The following GREB1L variants were observed in gnomAD, a reference collection of about 807,000 sequenced individuals.
GREB1L encodes GREB1 like retinoic acid receptor coactivator, also known as GREB1-like protein.
GREB1L carries 17 observed loss-of-function variants against 200.8 expected under a neutral mutation model. That is an observed-to-expected ratio of 0.08 (90% CI 0.06 to 0.13). GREB1L has a LOEUF of 0.13. Ranked by LOEUF, GREB1L falls within the 10% of genes least tolerant of loss-of-function variation. The probability of loss-of-function intolerance (pLI) is 1.00; values close to 1 mark genes in which losing one functional copy is unlikely to be tolerated. For synonymous variants in GREB1L, 789 were observed against 893.0 expected (o/e 0.88, Z 2.08); for missense variants, 1,657 against 2,367.7 (o/e 0.70, Z 6.23).
intron 1 of GREB1L, among the ~76,000 whole-genome samples, chr18:21,285,208 T>C (rs562508705): frequency 6.6e-6 from 1 of 152,286 alleles, no homozygotes; most frequent in Non-Finnish European, 1.5e-5. Flanking sequence ...TCTTGATGTA[T>C]GTATACTTTG....
chr18:21,310,966 G>A (rs2038780583), intron 1 of GREB1L, among the ~76,000 whole-genome samples: 1 of 152,068 alleles, frequency 6.6e-6, no homozygotes, highest in Non-Finnish European at 1.5e-5. Flanking sequence ...AAGGCCTTTG[G>A]GTTTGGTGAG....
chr18:21,319,604 A>C (rs2038922395), intron 1 of GREB1L, among the ~76,000 whole-genome samples: 1 of 152,240 alleles, frequency 6.6e-6, no homozygotes, highest in African/African-American at 2.4e-5. Flanking sequence ...AAAGGCAACT[A>C]GGAAAAAGAG....
intron 1 of GREB1L, among the ~76,000 whole-genome samples, chr18:21,281,054 C>A (rs768808539): frequency 1.3e-5 from 2 of 152,196 alleles, no homozygotes; most frequent in African/African-American, 2.4e-5. Flanking sequence ...GCACCCCCAC[C>A]CACAACTCTG....
At chr18:21,376,619 A>G (rs1174543915) in intron 2 of GREB1L, among the ~76,000 whole-genome samples, 1 of 151,258 alleles carries the variant, frequency 6.6e-6, no homozygotes, top group Non-Finnish European at 1.5e-5. Context: ...CCTGGCTAAC[A>G]CGGTGAAACC....
intron 1 of GREB1L, among the ~76,000 whole-genome samples, chr18:21,273,199 G>C (rs2038106237): frequency 6.6e-6 from 1 of 152,188 alleles, no homozygotes; most frequent in Non-Finnish European, 1.5e-5. Flanking sequence ...CTGCACTCCA[G>C]CCTGGGTGAC....
intron 2 of GREB1L, among the ~76,000 whole-genome samples, chr18:21,381,492 T>C (rs752414197): frequency 1.9e-4 from 29 of 152,076 alleles, no homozygotes; most frequent in Non-Finnish European, 3.7e-4. Context: ...ATTTTATGAA[T>C]ATGTATTACT....
At chr18:21,431,919 CTTTTTTTTT>C (rs773523492) in intron 7 of GREB1L, among the ~76,000 whole-genome samples, 1 of 91,278 alleles carries the variant, frequency 1.1e-5, no homozygotes, top group African/African-American at 5.4e-5. Context: ...CTTTTCTTTT[CTTTTTTTTT>C]TTTTTTTTTT....
chr18:21,515,789 C>A, intron 29 of GREB1L, 145 bp downstream of exon 29: 1 of 661,720 alleles, frequency 1.5e-6, no homozygotes, highest in South Asian at 1.9e-5. Flanking sequence ...GGATCACAAG[C>A]CCCAAAGTGT....
chr18:21,368,980 G>A (rs1258213360), intron 2 of GREB1L, among the ~76,000 whole-genome samples: 1 of 152,142 alleles, frequency 6.6e-6, no homozygotes, highest in Non-Finnish European at 1.5e-5. Context: ...AAAATTAAAT[G>A]GGGCTAGGTA....
intron 2 of GREB1L, among the ~76,000 whole-genome samples, chr18:21,379,542 G>C (rs2040218895): frequency 6.6e-6 from 1 of 152,202 alleles, no homozygotes; most frequent in South Asian, 2.1e-4. Context: ...AAGATAACTT[G>C]TTGGAGTGGT....
intron 1 of GREB1L, among the ~76,000 whole-genome samples, chr18:21,265,748 A>T (rs141135168): frequency 3.9e-4 from 60 of 152,252 alleles, no homozygotes; most frequent in African/African-American, 1.4e-3. Flanking sequence ...TTGGAAGATG[A>T]CACAGTTTTT....
At chr18:21,242,979 T>A (rs536477746) in intron 1 of GREB1L, among the ~76,000 whole-genome samples, 35 of 152,076 alleles carry the variant, frequency 2.3e-4, no homozygotes, top group African/African-American at 8.4e-4. Flanking sequence ...CGTCTGTGGG[T>A]TTTTTTCCTC....
chr18:21,337,901 G>T (rs746298208), intron 1 of GREB1L, among the ~76,000 whole-genome samples: 5 of 151,956 alleles, frequency 3.3e-5, no homozygotes, highest in Non-Finnish European at 7.4e-5. Context: ...GCAGGAGAAT[G>T]GCGTGAACCT....
At chr18:21,279,552 C>T (rs1258687188) in intron 1 of GREB1L, among the ~76,000 whole-genome samples, 1 of 152,112 alleles carries the variant, frequency 6.6e-6, no homozygotes, top group Non-Finnish European at 1.5e-5. Context: ...AAGATTCTTC[C>T]AATTTTTAAT....
At chr18:21,450,090 C>G (rs2034446022) in intron 12 of GREB1L, among the ~76,000 whole-genome samples, 1 of 152,128 alleles carries the variant, frequency 6.6e-6, no homozygotes, top group African/African-American at 2.4e-5. Context: ...TAACAGATAC[C>G]CCTGTCTCAT....
intron 15 of GREB1L, among the ~76,000 whole-genome samples, chr18:21,457,851 CAG>C (rs2034841247): frequency 6.6e-6 from 1 of 151,738 alleles, no homozygotes; most frequent in African/African-American, 2.4e-5. Context: ...GCTGTTAAAA[CAG>C]AAAGTTTTTA....
chr18:21,247,927 T>C (rs541949870), intron 1 of GREB1L, among the ~76,000 whole-genome samples: 70 of 152,286 alleles, frequency 4.6e-4, no homozygotes, highest in African/African-American at 1.6e-3. Context: ...CAATCTGCAT[T>C]TTAACAACCC....
At chr18:21,517,887 C>A in intron 30 of GREB1L, 147 bp from the exon 31 acceptor site, 1 of 638,454 alleles carries the variant, frequency 1.6e-6, no homozygotes, top group Non-Finnish European at 2.7e-6. Context: ...ATTTTCAGGA[C>A]CCTTTACTAA....
rs960337488 is a variant in GREB1L, at chr18:21,499,860, G to A, written c.3523G>A (p.Gly1175Arg). The change falls in exon 22 of 33, where the codon GGA becomes AGA. Residue 1175 changes from glycine (G) to arginine (R), a missense_variant. Transcript: ENST00000424526. Reference sequence around the variant, plus strand: ...TGAAGGGGTCTCCGCCAGCTCAGCTGGAGCCGGAGCCGGGGAGACTCTGAA... The same window carrying A: ...TGAAGGGGTCTCCGCCAGCTCAGCTAGAGCCGGAGCCGGGGAGACTCTGAA... ...LDEGVSASSAGAGAGETLKQE... is the reference protein window; with the variant it reads ...LDEGVSASSARAGAGETLKQE... The A allele has an allele frequency of 1.9e-6, 3 of 1,550,794 alleles. No homozygotes were observed. Among genetic ancestry groups the A allele is most frequent in the African/African-American group, 2.7e-5 (2 of 73,008 alleles).
Sources: allele counts gnomAD v4.1 joint callset (sites outside exome capture counted in the v4.1 genomes callset), GRCh38; gene constraint gnomAD v4.1.1; transcripts MANE v1.5; gene names NCBI Gene and HGNC (gene_info 2026-07-23, HGNC 2026-07-21).